The following PKD1L1 variants were observed in gnomAD, a reference collection of about 807,000 sequenced individuals.
PKD1L1 encodes polycystin 1 like 1, transient receptor potential channel interacting, also known as polycystin-1-like protein 1.
A neutral mutation model predicts 323.4 loss-of-function variants in PKD1L1; 236 were observed. That is an observed-to-expected ratio of 0.73 (90% CI 0.66 to 0.81). PKD1L1 has a LOEUF of 0.81. Among genes scored for constraint, PKD1L1 ranks in the 40% least tolerant of loss-of-function variants. PKD1L1 has a pLI of 0.00. For synonymous variants in PKD1L1, 1,344 were observed against 1,335.0 expected, an observed-to-expected ratio of 1.01 and a Z score of -0.15; for missense variants, 3,320 against 3,508.0, an observed-to-expected ratio of 0.95 and a Z score of 1.35.
At chr7:47,791,509 C>T (rs1037740905) in intron 56 of PKD1L1, among the ~76,000 whole-genome samples, 4 of 150,398 alleles carry the variant, frequency 2.7e-5, no homozygotes, top group Admixed American at 1.3e-4. Flanking sequence ...GAGAACATCT[C>T]GGTTACAATT....
intron 33 of PKD1L1, among the ~76,000 whole-genome samples, chr7:47,843,486 C>T (rs140163737): frequency 2.6e-5 from 4 of 152,302 alleles, no homozygotes; most frequent in African/African-American, 9.6e-5. Context: ...ATGCCAGTCT[C>T]GCTGCTATTG....
At chr7:47,851,216 G>A (rs1204257729) in intron 31 of PKD1L1, among the ~76,000 whole-genome samples, 5 of 152,256 alleles carry the variant, frequency 3.3e-5, no homozygotes, top group Middle Eastern at 3.4e-3. Context: ...GGACATGGCC[G>A]GTTCCAAGGA....
intron 7 of PKD1L1, among the ~76,000 whole-genome samples, chr7:47,927,988 C>T (rs993245052): frequency 6.6e-6 from 1 of 152,172 alleles, no homozygotes; most frequent in Non-Finnish European, 1.5e-5. Context: ...TACTCAGCAA[C>T]CACACCAAAA....
intron 46 of PKD1L1, chr7:47,817,977 G>T: frequency 8.5e-7 from 1 of 1,178,954 alleles, no homozygotes; most frequent in Non-Finnish European, 1.1e-6. Context: ...ATCCTTTCAA[G>T]TATTTGATCT....
Position 47,803,256 on chromosome 7 carries a change from C to T in PKD1L1, c.7916G>A (p.Cys2639Tyr). ...GAGTGAGTGGCGCATCATGGAGGAG[C>T]AGGATGCCATTGTGTTTTGAATGCC... ...LPGIQNTMAS[C>Y]SSMMRHSLPS... The change falls in exon 53 of 57, where the codon TGC becomes TAC. Residue 2639 changes from cysteine (C) to tyrosine (Y), a missense_variant. Cys to Tyr is a radical substitution (Grantham distance 194). Transcript: ENST00000289672. 6.2e-7 allele frequency: 1 copy of T among 1,614,058 alleles called. No homozygotes were observed. Among genetic ancestry groups the T allele is most frequent in the Non-Finnish European group, 8.5e-7 (1 of 1,180,020 alleles).
chr7:47,824,980 C>T (rs1785214137), intron 45 of PKD1L1, among the ~76,000 whole-genome samples: 2 of 152,184 alleles, frequency 1.3e-5, no homozygotes, highest in African/African-American at 4.8e-5. Flanking sequence ...CTGGATAAAT[C>T]GTAAATGAAT....
intron 24 of PKD1L1, among the ~76,000 whole-genome samples, chr7:47,867,179 G>A (rs545313896): frequency 4.6e-5 from 7 of 152,230 alleles, no homozygotes; most frequent in South Asian, 4.1e-4. Flanking sequence ...TGGACACACC[G>A]CAGTGGGTCA....
intron 46 of PKD1L1, 74 bp from the exon 47 acceptor site, chr7:47,815,531 T>G: frequency 1.3e-6 from 2 of 1,513,138 alleles, no homozygotes; most frequent in Non-Finnish European, 1.8e-6. Flanking sequence ...CAAAAGCATG[T>G]TTTCTTGCCA....
At chr7:47,853,264 T>C in intron 30 of PKD1L1, 37 bp from the exon 31 acceptor site, 1 of 1,417,290 alleles carries the variant, frequency 7.1e-7, no homozygotes, top group Non-Finnish European at 1.0e-6. Flanking sequence ...TTCTCATTTT[T>C]TTCTTCTCTC....
rs1285161021 is a variant in PKD1L1 at position 47,874,027 on chromosome 7, C to A, written c.3785-17G>T. On this transcript the variant is annotated splice_polypyrimidine_tract_variant and intron_variant, in intron 23 of 56. Transcript: ENST00000289672. Reference sequence around the variant, plus strand: ...AAACCATGACTGTGAGGGAACATGTCAGAAGAGGGTCATCTTGGACATGTG... The same window carrying A: ...AAACCATGACTGTGAGGGAACATGTAAGAAGAGGGTCATCTTGGACATGTG... 3.3e-6 allele frequency: 5 copies of A among 1,506,300 alleles called. No individual in the cohort carries two copies. Among genetic ancestry groups the A allele is most frequent in the South Asian group, 1.2e-5 (1 of 86,822 alleles). 93.3% of individuals were successfully genotyped at this position (1,506,300 alleles called of 1,614,324 possible). A position where few individuals can be genotyped will look rare whatever the true frequency, so the allele number is the denominator to read the frequency against.
intron 42 of PKD1L1, among the ~76,000 whole-genome samples, chr7:47,830,782 G>A (rs1237074348): frequency 2.6e-5 from 4 of 152,178 alleles, no homozygotes; most frequent in African/African-American, 9.7e-5. Context: ...GGTACCATGT[G>A]CCGGAGTGAC....
rs1367428594 is a variant in PKD1L1 at position 47,781,623 on chromosome 7, A to T, written c.8527-6457T>A. On this transcript the variant is annotated intron_variant, in intron 56 of 56. Coordinates refer to ENST00000289672, the MANE Select transcript of PKD1L1 (RefSeq NM_138295.5). ...ACGGGGTTTCACTGTGTTAGCCAGG[A>T]TGGTCTCGATTTCCTGACGTAGTGA... is the stretch of plus-strand genomic sequence containing the variant. Among the ~76,000 whole-genome samples, 3 of 151,738 alleles carry T rather than the reference A, an allele frequency of 2.0e-5. No individual in the cohort carries two copies. In the East Asian group the frequency reaches 5.8e-4, roughly 29 times the overall value.
rs1217656687 is a variant in PKD1L1 at position 47,879,651 on chromosome 7, A to T, written c.3520+1077T>A. On this transcript the variant is annotated intron_variant, in intron 21 of 56. Transcript: ENST00000289672. The stretch of plus-strand genomic sequence containing the variant: ...TTGTCTCAAAAAAAAAAAAAAAAAA[A>T]GGCCAGGCACGGTGGCTCACGCCTG... Among the ~76,000 whole-genome samples, 42 of 141,086 alleles carry T rather than the reference A, an allele frequency of 3.0e-4. No individual in the cohort carries two copies. In the East Asian group the frequency reaches 7.9e-3, roughly 26 times the overall value. 92.6% of individuals were successfully genotyped at this position (141,086 alleles called of 152,430 possible). A position where few individuals can be genotyped will look rare whatever the true frequency, so the allele number is the denominator to read the frequency against.
Position 47,893,972 on chromosome 7 carries a change from C to T in PKD1L1, c.2359G>A (p.Gly787Ser). ...GTCCTGGAGAAGAATAGGTGTGTGC[C>T]CTCGGAGATCACACTGACAGGGGCC... ...AQAPVSVISE[G>S]THLFFSRTTS... The change falls in exon 15 of 57, where the codon GGC (glycine) becomes AGC (serine). Residue 787 changes from glycine (G) to serine (S), a missense_variant. Transcript: ENST00000289672. 3 of 1,613,784 alleles carry T rather than the reference C, an allele frequency of 1.9e-6. No individual in the cohort carries two copies. The highest frequency in any genetic ancestry group is 2.5e-6 in the Non-Finnish European group (3 of 1,179,864).
chr7:47,921,651 C>G (rs1787543146), intron 7 of PKD1L1, among the ~76,000 whole-genome samples: 1 of 144,666 alleles, frequency 6.9e-6, no homozygotes, highest in African/African-American at 2.7e-5. Context: ...ACCCATCAAT[C>G]AATGAGTGGA....
chr7:47,853,032 T>A (rs748085983), intron 31 of PKD1L1, 95 bp downstream of exon 31: 36 of 833,826 alleles, frequency 4.3e-5, no homozygotes, highest in Non-Finnish European at 5.0e-5. Context: ...GTTTTTGTCA[T>A]GAATAAAGAA....
intron 44 of PKD1L1, 61 bp downstream of exon 44, chr7:47,829,364 T>C (rs936421113): frequency 2.7e-5 from 39 of 1,455,106 alleles, no homozygotes; most frequent in Non-Finnish European, 3.3e-5. Context: ...CAGATATGCA[T>C]GATAGAATAT....
chr7:47,935,825 A>G (rs1787856996), intron 4 of PKD1L1, among the ~76,000 whole-genome samples: 2 of 152,274 alleles, frequency 1.3e-5, no homozygotes, highest in South Asian at 4.1e-4. Context: ...GATTGGAGGT[A>G]TATCAGAAAG....
rs1300116243 is a variant in PKD1L1, at chr7:47,880,259, TATATAC to T, written c.3520+463_3520+468del. On this transcript the variant is annotated intron_variant, in intron 21 of 56. Transcript: ENST00000289672. ...CTAGCATAAATAAGATATATATATA[TATATAC>T]ATATATATATATATATATATTTTTT... 4.4e-3 allele frequency among the ~76,000 whole-genome samples: 413 copies of T among 94,010 alleles called. 8 individuals carry two copies. The highest frequency in any genetic ancestry group is 0.01 in the African/African-American group (181 of 17,916). 61.7% of individuals were successfully genotyped at this position (94,010 alleles called of 152,430 possible).
Sources: gnomAD v4.1 joint callset for allele counts (sites outside exome capture counted in the v4.1 genomes callset) on GRCh38, gnomAD v4.1.1 for gene constraint, MANE v1.5 for transcripts, NCBI Gene and HGNC (gene_info 2026-07-23, HGNC 2026-07-21) for gene names.